DENND1B: variants seen among roughly 807,000 people sequenced by gnomAD.
DENND1B encodes DENN domain containing 1B, also known as DENN domain-containing protein 1B.
Under a neutral mutation model 90.1 loss-of-function variants are expected in DENND1B, and 59 were observed. The observed-to-expected ratio is 0.65, with a 90% CI of 0.53 to 0.81. The LOEUF (loss-of-function observed/expected upper bound fraction) is 0.81, where lower values mean the gene tolerates loss of function less well. Ranked by LOEUF, DENND1B falls within the 40% of genes least tolerant of loss-of-function variation. The pLI is 0.00. For missense variants in DENND1B, 862 were observed against 912.6 expected, an observed-to-expected ratio of 0.94 and a Z score of 0.71; for synonymous variants, 337 against 324.6, an observed-to-expected ratio of 1.04 and a Z score of -0.41.
rs559801209 is a variant in DENND1B, at chr1:197,621,017, C to A, written c.673-3258G>T. Among the ~76,000 whole-genome samples, 300 of 151,238 alleles carry A rather than the reference C, an allele frequency of 2.0e-3. 1 individual carries two copies. Among genetic ancestry groups the A allele is most frequent in the Non-Finnish European group, 3.5e-3 (239 of 67,456 alleles). On this transcript the variant is annotated intron_variant, in intron 10 of 22. Transcript: ENST00000620048. ...TCGTGGATTTGGGAAGAAGAGCATT[C>A]CAGGTAAATTAAACGAGGCATTCAG...
chr1:197,601,536 A>T (rs1676212133), intron 13 of DENND1B, among the ~76,000 whole-genome samples: 1 of 151,640 alleles, frequency 6.6e-6, no homozygotes, highest in Non-Finnish European at 1.5e-5. Context: ...GAAAAAAAAA[A>T]TATCTGCAGT....
chr1:197,538,455 TACTG>T (rs1670080034), intron 20 of DENND1B, among the ~76,000 whole-genome samples: 2 of 152,166 alleles, frequency 1.3e-5, no homozygotes, highest in South Asian at 2.1e-4. Context: ...AGACAATCAG[TACTG>T]ACTATCAGTA....
intron 20 of DENND1B, among the ~76,000 whole-genome samples, chr1:197,523,815 G>C (rs1668946301): frequency 6.6e-6 from 1 of 152,102 alleles, no homozygotes; most frequent in African/African-American, 2.4e-5. Context: ...CCATTTCTGG[G>C]TGTAAATGCT....
chr1:197,649,527 A>G (rs1327834166), intron 7 of DENND1B, among the ~76,000 whole-genome samples: 2 of 152,128 alleles, frequency 1.3e-5, no homozygotes, highest in Non-Finnish European at 2.9e-5. Flanking sequence ...AGACACATGG[A>G]CCAATGGAAC....
intron 2 of DENND1B, among the ~76,000 whole-genome samples, chr1:197,733,481 A>AG (rs1357385665): frequency 6.6e-6 from 1 of 152,138 alleles, no homozygotes; most frequent in African/African-American, 2.4e-5. Context: ...CTTCCAGGAA[A>AG]GTTTTTTTTC....
chr1:197,518,212 G>C (rs142451684), intron 20 of DENND1B, among the ~76,000 whole-genome samples: 1 of 151,988 alleles, frequency 6.6e-6, no homozygotes, highest in Non-Finnish European at 1.5e-5. Flanking sequence ...TATGAATGCT[G>C]TCTAGAAGGT....
Position 197,509,998 on chromosome 1 carries a change from C to T in DENND1B, c.*462G>A, listed in dbSNP as rs956393378. The T allele has an allele frequency of 6.5e-6, 1 of 152,944 alleles. No homozygotes were observed. The highest frequency in any genetic ancestry group is 1.5e-5 in the Non-Finnish European group (1 of 68,666). 9.5% of individuals were successfully genotyped at this position (152,944 alleles called of 1,614,324 possible). A position where few individuals can be genotyped will look rare whatever the true frequency, so the allele number is the denominator to read the frequency against. ...TTCAAACTTTATACATACTTTCATA[C>T]ATTATTTAAGTATGCTTAAAAAACA... On this transcript the variant is annotated 3_prime_UTR_variant, in exon 23 of 23. Transcript: ENST00000620048.
intron 16 of DENND1B, among the ~76,000 whole-genome samples, chr1:197,550,272 T>C (rs566055644): frequency 1.3e-5 from 2 of 152,284 alleles, no homozygotes; most frequent in South Asian, 4.1e-4. Flanking sequence ...GTTTACTGAA[T>C]GTTTTTGCAT....
At chr1:197,765,458 T>C (rs1480035870) in intron 2 of DENND1B, among the ~76,000 whole-genome samples, 1 of 152,190 alleles carries the variant, frequency 6.6e-6, no homozygotes. Context: ...AAATGTATAC[T>C]GTACACAGTA....
At chr1:197,713,826 T>TTTATTATA (rs1660273145) in intron 3 of DENND1B, among the ~76,000 whole-genome samples, 8 of 27,922 alleles carry the variant, frequency 2.9e-4, no homozygotes, top group African/African-American at 1.1e-3. Flanking sequence ...TATAATATAT[T>TTTATTATA]ATATATAATA....
chr1:197,722,858 T>A (rs1456285541), intron 2 of DENND1B, among the ~76,000 whole-genome samples: 3 of 152,190 alleles, frequency 2.0e-5, no homozygotes, highest in Non-Finnish European at 4.4e-5. Context: ...TGTCCATTTG[T>A]TCACCATTCT....
chr1:197,768,096 G>A (rs1426115687), intron 2 of DENND1B, among the ~76,000 whole-genome samples: 1 of 152,098 alleles, frequency 6.6e-6, no homozygotes, highest in Non-Finnish European at 1.5e-5. Context: ...GCCCAGCACA[G>A]AATAAGTACA....
At chr1:197,574,447 C>T (rs571020602) in intron 15 of DENND1B, among the ~76,000 whole-genome samples, 16 of 152,242 alleles carry the variant, frequency 1.1e-4, no homozygotes, top group African/African-American at 3.9e-4. Flanking sequence ...AAAGAGGACA[C>T]AAACAAATGG....
chr1:197,631,840 T>C (rs1188144774), intron 10 of DENND1B, among the ~76,000 whole-genome samples: 1 of 152,116 alleles, frequency 6.6e-6, no homozygotes, highest in Admixed American at 6.6e-5. Flanking sequence ...TATATGTGTG[T>C]ATATGCATAC....
At chr1:197,771,560 T>C (rs1775444) in intron 2 of DENND1B, among the ~76,000 whole-genome samples, 129,889 of 152,192 alleles carry the variant, frequency 0.85, 55,830 homozygotes, top group African/African-American at 0.96. Context: ...GTAGTAGGGC[T>C]GGTGGAGCCA....
At chr1:197,613,907 A>C (rs1677404693) in intron 11 of DENND1B, among the ~76,000 whole-genome samples, 1 of 151,078 alleles carries the variant, frequency 6.6e-6, no homozygotes, top group Admixed American at 6.6e-5. Context: ...AAAATAGGTA[A>C]GCCTTCTAAA....
chr1:197,688,108 A>C (rs1423523341), intron 3 of DENND1B, among the ~76,000 whole-genome samples: 1 of 152,112 alleles, frequency 6.6e-6, no homozygotes, highest in Non-Finnish European at 1.5e-5. Flanking sequence ...AATAACATTG[A>C]CCAAGGAAAT....
rs973475317 is a variant in DENND1B, at chr1:197,626,240, C to T, written c.673-8481G>A. Among the ~76,000 whole-genome samples the T allele has an allele frequency of 2.0e-5, 3 of 152,070 alleles. No homozygotes were observed. In the South Asian group the frequency reaches 6.2e-4, roughly 32 times the overall value. On this transcript the variant is annotated intron_variant, in intron 10 of 22. Transcript: ENST00000620048. ...ATACATTTTTTTCAGCACCATACCA[C>T]ACCTATTCCAAAATTGACCACATAG...
chr1:197,766,955 C>T (rs765930666), intron 2 of DENND1B, among the ~76,000 whole-genome samples: 1 of 151,666 alleles, frequency 6.6e-6, no homozygotes, highest in Non-Finnish European at 1.5e-5. Context: ...CACCACACCC[C>T]GCTAAATTTT....
Sources: gnomAD v4.1 joint callset for allele counts (sites outside exome capture counted in the v4.1 genomes callset) on GRCh38, gnomAD v4.1.1 for gene constraint, MANE v1.5 for transcripts, NCBI Gene and HGNC (gene_info 2026-07-23, HGNC 2026-07-21) for gene names.